The following CEACAM18 variants were observed in gnomAD, a reference collection of about 807,000 sequenced individuals.
The protein encoded by CEACAM18 is cell adhesion molecule CEACAM18.
Under a neutral mutation model 34.3 loss-of-function variants are expected in CEACAM18, and 33 were observed. That is an observed-to-expected ratio of 0.96 (90% confidence interval 0.73 to 1.29). The LOEUF (loss-of-function observed/expected upper bound fraction) is 1.29. Ranked by LOEUF, CEACAM18 falls within the 50% of genes most tolerant of loss-of-function variation. The pLI is 0.00. For synonymous variants in CEACAM18, 169 were observed against 180.9 expected, an observed-to-expected ratio of 0.93 and a Z score of 0.53; for missense variants, 474 against 485.0, an observed-to-expected ratio of 0.98 and a Z score of 0.21.
intron 1 of CEACAM18, among the ~76,000 whole-genome samples, chr19:51,480,120 G>C (rs550184369): frequency 1.3e-5 from 2 of 152,248 alleles, no homozygotes; most frequent in Non-Finnish European, 2.9e-5. Context: ...AGGAGGGCCT[G>C]GGAGAAGATA....
intron 4 of CEACAM18, 125 bp from the exon 5 acceptor site, chr19:51,484,861 CA>C: frequency 1.7e-6 from 2 of 1,188,490 alleles, no homozygotes; most frequent in Admixed American, 4.1e-5. Context: ...GTACCTGGAA[CA>C]GTGCTTTGCT....
At chr19:51,478,685 T>C (rs773115665) in exon 1 of CEACAM18, 1 of 1,465,300 alleles carries the variant, frequency 6.8e-7, no homozygotes, top group Non-Finnish European at 9.1e-7. Flanking sequence ...GAGGAGGGTC[T>C]TCCTCATGGG....
chr19:51,480,712 C>A lies in CEACAM18; in HGVS notation c.400+32C>A, dbSNP rs199510362. 226 of 1,564,428 alleles carry A rather than the reference C, an allele frequency of 1.4e-4. No individual in the cohort carries two copies. In the African/African-American group the frequency reaches 2.8e-3, roughly 19 times the overall value. ...TAGCAGGTGCTGTGTTTCCCAACCC[C>A]CAAGGAGAGCTAGATGTGACACATT... On this transcript the variant is annotated intron_variant, in intron 2 of 5. Coordinates refer to ENST00000396477, the Ensembl canonical transcript of CEACAM18.
At chr19:51,480,725 G>C (rs1989900878) in intron 2 of CEACAM18, 45 bp downstream of exon 2, 2 of 1,519,374 alleles carry the variant, frequency 1.3e-6, no homozygotes, top group Non-Finnish European at 1.8e-6. Flanking sequence ...AGGAGAGCTA[G>C]ATGTGACACA....
intron 1 of CEACAM18, 55 bp from the exon 2 acceptor site, chr19:51,480,278 C>G (rs183574682): frequency 3.7e-6 from 5 of 1,368,226 alleles, no homozygotes; most frequent in African/African-American, 1.5e-5. Context: ...GTCTTCTCAG[C>G]CAGTCTGAAT....
exon 2 of CEACAM18, chr19:51,480,516 C>T (rs1989893265): frequency 1.2e-6 from 2 of 1,613,864 alleles, no homozygotes; most frequent in Middle Eastern, 1.6e-4. Flanking sequence ...CACAAACCGC[C>T]CAGTGCCCAG....
At chr19:51,481,226 G>T (rs1341084380) in intron 2 of CEACAM18, among the ~76,000 whole-genome samples, 167 bp from the exon 3 acceptor site, 1 of 152,170 alleles carries the variant, frequency 6.6e-6, no homozygotes, top group Non-Finnish European at 1.5e-5. Flanking sequence ...CAGCCTCATT[G>T]CCCTGTGCCT....
At chr19:51,480,976 C>G (rs540394760) in intron 2 of CEACAM18, among the ~76,000 whole-genome samples, 10 of 152,142 alleles carry the variant, frequency 6.6e-5, no homozygotes, top group Non-Finnish European at 1.3e-4. Flanking sequence ...TGGGGAGGAA[C>G]CCACCATTGT....
chr19:51,486,706 CTTTCTTTCT>C (rs1266651081), intron 5 of CEACAM18, among the ~76,000 whole-genome samples: 1 of 145,992 alleles, frequency 6.8e-6, no homozygotes, highest in Admixed American at 6.9e-5. Flanking sequence ...CTTTTTCTTT[CTTTCTTTCT>C]TTTCTTTCTT....
rs201510643 is a variant in CEACAM18 at position 51,486,723 on chromosome 19, C to CT, written c.1089+1614dup. Among the ~76,000 whole-genome samples, 434 of 135,382 alleles carry CT rather than the reference C, an allele frequency of 3.2e-3. 1 individual carries two copies. The highest frequency in any genetic ancestry group is 8.4e-3 in the African/African-American group (283 of 33,594). The allele number at this position is 135,382 out of a possible 152,430, so 88.8% of individuals were successfully genotyped here. Reference sequence around the variant, plus strand: ...TTTTCTTTCTTTCTTTCTTTTCTTTCTTTTTTTTTTTTTATATGGAGTCTC... The same window carrying CT: ...TTTTCTTTCTTTCTTTCTTTTCTTTCTTTTTTTTTTTTTTATATGGAGTCTC... On this transcript the variant is annotated intron_variant, in intron 5 of 5. Coordinates refer to ENST00000396477, the Ensembl canonical transcript of CEACAM18.
chr19:51,479,265 C>T (rs1195661060), intron 1 of CEACAM18, among the ~76,000 whole-genome samples: 1 of 152,370 alleles, frequency 6.6e-6, no homozygotes, highest in East Asian at 1.9e-4. Flanking sequence ...TCTCTGCCTC[C>T]TCCACATAGC....
intron 5 of CEACAM18, among the ~76,000 whole-genome samples, chr19:51,485,354 C>T (rs558931932): frequency 1.3e-5 from 2 of 152,202 alleles, no homozygotes; most frequent in African/African-American, 4.8e-5. Context: ...TTTCTTCTAG[C>T]AACTTCCCTT....
intron 3 of CEACAM18, 46 bp from the exon 4 acceptor site, chr19:51,482,971 C>G: frequency 6.3e-7 from 1 of 1,594,598 alleles, no homozygotes; most frequent in South Asian, 1.1e-5. Context: ...GACGGGACGC[C>G]GAGGGGTCAG....
At chr19:51,489,046 C>G (rs148398401) in intron 5 of CEACAM18, among the ~76,000 whole-genome samples, 1 of 151,272 alleles carries the variant, frequency 6.6e-6, no homozygotes, top group Non-Finnish European at 1.5e-5. Flanking sequence ...TGCTTCCACT[C>G]GAATTTCTTC....
At chr19:51,483,031 GTGCTGC>G in exon 4 of CEACAM18, 1 of 1,613,988 alleles carries the variant, frequency 6.2e-7, no homozygotes, top group Non-Finnish European at 8.5e-7. Context: ...GCCCGACTAT[GTGCTGC>G]TGAGGAGCAA....
At chr19:51,488,124 C>T (rs530944913) in intron 5 of CEACAM18, among the ~76,000 whole-genome samples, 2 of 152,240 alleles carry the variant, frequency 1.3e-5, no homozygotes, top group Admixed American at 1.3e-4. Flanking sequence ...AACTATGCTG[C>T]ATGGGAAGAG....
chr19:51,489,929 C>T (rs2122196208), intron 5 of CEACAM18, among the ~76,000 whole-genome samples: 1 of 152,326 alleles, frequency 6.6e-6, no homozygotes, highest in South Asian at 2.1e-4. Context: ...TGAATCACCT[C>T]ATCTTCCACC....
In CEACAM18 at chr19:51,483,429, C is replaced by A; in HGVS notation, c.953+133C>A. On this transcript the variant is annotated intron_variant, in intron 4 of 5. Transcript: ENST00000396477. ...CTCTCAACCTCTGGGTGAAATCTCCCAGTTCTCTGAGGTCTGGGTCCAAAG... is the reference window on the plus strand; with the variant it reads ...CTCTCAACCTCTGGGTGAAATCTCCAAGTTCTCTGAGGTCTGGGTCCAAAG... 1.9e-5 allele frequency: 21 copies of A among 1,111,090 alleles called. 1 individual carries two copies. In the South Asian group the frequency reaches 3.1e-4, roughly 16 times the overall value. 68.8% of individuals were successfully genotyped at this position (1,111,090 alleles called of 1,614,324 possible). A position where few individuals can be genotyped will look rare whatever the true frequency, so the allele number is the denominator to read the frequency against.
chr19:51,479,590 G>A (rs1989872325), intron 1 of CEACAM18, among the ~76,000 whole-genome samples: 1 of 152,158 alleles, frequency 6.6e-6, no homozygotes, highest in South Asian at 2.1e-4. Context: ...GGGATGGGGG[G>A]AGCCCAGGAG....
Sources: allele counts gnomAD v4.1 joint callset (sites outside exome capture counted in the v4.1 genomes callset), GRCh38; gene constraint gnomAD v4.1.1; transcripts MANE v1.5; gene names NCBI Gene and HGNC (gene_info 2026-07-23, HGNC 2026-07-21).